The following MAN2A1 variants were observed in gnomAD, a reference collection of about 807,000 sequenced individuals.
MAN2A1 encodes mannosidase alpha class 2A member 1.
Under a neutral mutation model 142.6 loss-of-function variants are expected in MAN2A1, and 76 were observed. The ratio of observed to expected loss-of-function variants is 0.53; its 90% CI spans 0.44 to 0.65. The LOEUF is 0.65. Ranked by LOEUF, MAN2A1 falls within the 30% of genes least tolerant of loss-of-function variation. The pLI is 0.00. For missense variants in MAN2A1, 1,311 were observed against 1,365.1 expected (o/e 0.96, Z 0.62); for synonymous variants, 559 against 473.2 (o/e 1.18, Z -2.35).
intron 3 of MAN2A1, among the ~76,000 whole-genome samples, chr5:109,729,005 C>CA (rs1204454070): frequency 2.0e-5 from 3 of 147,890 alleles, no homozygotes; most frequent in East Asian, 3.9e-4. Context: ...TTTTAAAATT[C>CA]AAAAAAAATT....
chr5:109,721,141 G>A (rs1156650901), intron 3 of MAN2A1, among the ~76,000 whole-genome samples: 2 of 152,228 alleles, frequency 1.3e-5, no homozygotes, highest in Non-Finnish European at 2.9e-5. Flanking sequence ...GCGAGGCTAA[G>A]TTAGGGTAAT....
chr5:109,783,064 T>C (rs145589741), intron 9 of MAN2A1, among the ~76,000 whole-genome samples: 15 of 152,256 alleles, frequency 9.9e-5, no homozygotes, highest in Admixed American at 2.0e-4. Context: ...AACTTTTCTG[T>C]TATAAAGTGG....
At position 109,811,969 on chromosome 5, in the gene MAN2A1, A is replaced by T. The variant is rs550713555; in HGVS notation, c.1944-5304A>T. Among the ~76,000 whole-genome samples the T allele has an allele frequency of 1.2e-3, 182 of 152,230 alleles. 1 individual carries two copies. Among genetic ancestry groups the T allele is most frequent in the African/African-American group, 4.3e-3 (179 of 41,524 alleles). On this transcript the variant is annotated intron_variant, in intron 12 of 21. Transcript: ENST00000261483. ...TTAGATTTATACATGCCTTACACAA[A>T]AAAAGGATTTATGACAGCTCATTGA...
intron 1 of MAN2A1, among the ~76,000 whole-genome samples, chr5:109,707,507 T>A (rs374353278): frequency 1.3e-4 from 20 of 152,190 alleles, no homozygotes; most frequent in Middle Eastern, 3.4e-3. Context: ...AGGGATTCAT[T>A]TAGTGAGGAA....
chr5:109,710,696 A>ATT (rs202013440), intron 1 of MAN2A1, among the ~76,000 whole-genome samples: 6 of 144,952 alleles, frequency 4.1e-5, no homozygotes, highest in South Asian at 2.2e-4. Flanking sequence ...TTATTTACCT[A>ATT]TTTTTTTTTT....
chr5:109,822,967 G>A (rs996699603), intron 15 of MAN2A1, among the ~76,000 whole-genome samples: 1 of 152,256 alleles, frequency 6.6e-6, no homozygotes, highest in East Asian at 1.9e-4. Flanking sequence ...CGTGAGCCAC[G>A]GCGCCTGGCC....
chr5:109,796,973 A>G (rs1264618488), intron 12 of MAN2A1, among the ~76,000 whole-genome samples: 1 of 152,200 alleles, frequency 6.6e-6, no homozygotes, highest in African/African-American at 2.4e-5. Flanking sequence ...ATCCCCTGGC[A>G]AATACCTGGC....
intron 17 of MAN2A1, among the ~76,000 whole-genome samples, chr5:109,843,306 C>T (rs1339075857): frequency 6.6e-6 from 1 of 152,034 alleles, no homozygotes; most frequent in Non-Finnish European, 1.5e-5. Flanking sequence ...AGGGGAACTG[C>T]CATTTATAAA....
At position 109,780,980 on chromosome 5, in the gene MAN2A1, T is replaced by C. The variant is rs563776812; in HGVS notation, c.1375-416T>C. 3.7e-4 allele frequency among the ~76,000 whole-genome samples: 56 copies of C among 152,312 alleles called. No individual in the cohort carries two copies. In the South Asian group the frequency reaches 0.011, roughly 30 times the overall value. On this transcript the variant is annotated intron_variant, in intron 8 of 21. Transcript: ENST00000261483. Reference sequence around the variant, plus strand: ...AACAGAATTATTCTTCTAGACTTTATGGCTAATAAAACTGTTATTGTAGAC... The same window carrying C: ...AACAGAATTATTCTTCTAGACTTTACGGCTAATAAAACTGTTATTGTAGAC...
intron 1 of MAN2A1, among the ~76,000 whole-genome samples, chr5:109,696,346 G>T (rs552038796): frequency 6.6e-6 from 1 of 152,130 alleles, no homozygotes; most frequent in Non-Finnish European, 1.5e-5. Context: ...TGATCTGCCC[G>T]CCTTGACCTC....
intron 5 of MAN2A1, among the ~76,000 whole-genome samples, chr5:109,758,721 A>G (rs1292282157): frequency 6.7e-6 from 1 of 148,910 alleles, no homozygotes; most frequent in African/African-American, 2.4e-5. Flanking sequence ...ATAACTATTA[A>G]TATAATTGTT....
At chr5:109,692,845 TC>T (rs1288674871) in intron 1 of MAN2A1, among the ~76,000 whole-genome samples, 1 of 152,080 alleles carries the variant, frequency 6.6e-6, no homozygotes, top group African/African-American at 2.4e-5. Context: ...ATGAAGCTGT[TC>T]CACCTCAGAT....
At chr5:109,801,172 G>T (rs941697610) in intron 12 of MAN2A1, among the ~76,000 whole-genome samples, 2 of 152,124 alleles carry the variant, frequency 1.3e-5, no homozygotes, top group African/African-American at 4.8e-5. Context: ...GCTCATGATG[G>T]GTTCCATGGT....
At chr5:109,848,957 G>T (rs1014155131) in intron 19 of MAN2A1, among the ~76,000 whole-genome samples, 1 of 152,146 alleles carries the variant, frequency 6.6e-6, no homozygotes, top group African/African-American at 2.4e-5. Context: ...TATTCTGAAA[G>T]AGCTCTTTCC....
intron 7 of MAN2A1, among the ~76,000 whole-genome samples, chr5:109,770,995 C>T (rs1753131548): frequency 1.3e-5 from 2 of 152,242 alleles, no homozygotes; most frequent in Admixed American, 1.3e-4. Flanking sequence ...GTGAATGCTT[C>T]CCAGCTCTGG....
At chr5:109,819,123 A>G (rs1754551547) in intron 13 of MAN2A1, among the ~76,000 whole-genome samples, 1 of 152,220 alleles carries the variant, frequency 6.6e-6, no homozygotes, top group Non-Finnish European at 1.5e-5. Context: ...TCAGTATAGT[A>G]TATAATAAAT....
At chr5:109,722,118 T>C (rs1751620993) in intron 3 of MAN2A1, among the ~76,000 whole-genome samples, 1 of 152,210 alleles carries the variant, frequency 6.6e-6, no homozygotes, top group Non-Finnish European at 1.5e-5. Context: ...TGGATAATTC[T>C]TCTGAAACCA....
chr5:109,719,283 A>G (rs561777888), intron 3 of MAN2A1, among the ~76,000 whole-genome samples: 1 of 152,344 alleles, frequency 6.6e-6, no homozygotes, highest in African/African-American at 2.4e-5. Flanking sequence ...TCAGAAACAA[A>G]CATTTTAAAA....
intron 3 of MAN2A1, among the ~76,000 whole-genome samples, chr5:109,728,665 A>C (rs1185202074): frequency 6.6e-6 from 1 of 152,214 alleles, no homozygotes; most frequent in African/African-American, 2.4e-5. Context: ...GTCAACATCT[A>C]CAGTTCTCTT....
Sources: allele counts gnomAD v4.1 joint callset (sites outside exome capture counted in the v4.1 genomes callset), GRCh38; gene constraint gnomAD v4.1.1; transcripts MANE v1.5; gene names NCBI Gene and HGNC (gene_info 2026-07-23, HGNC 2026-07-21).